The following TENM3 variants were observed in gnomAD, a reference collection of about 807,000 sequenced individuals.
TENM3 encodes the protein teneurin-3.
TENM3 carries 63 observed loss-of-function variants against 255.1 expected under a neutral mutation model. The observed-to-expected ratio is 0.25, with a 90% CI of 0.20 to 0.30. The LOEUF (loss-of-function observed/expected upper bound fraction) is 0.30, where lower values mean the gene tolerates loss of function less well. Among genes scored for constraint, TENM3 ranks in the 10% least tolerant of loss-of-function variants. TENM3 has a pLI of 1.00. For missense variants in TENM3, 2,929 were observed against 3,461.1 expected, an observed-to-expected ratio of 0.85 and a Z score of 3.86; for synonymous variants, 1,306 against 1,322.3, an observed-to-expected ratio of 0.99 and a Z score of 0.27.
At chr4:181,831,387 T>C in the TENM3 span, among the ~76,000 whole-genome samples, 1 of 152,110 alleles carries the variant, frequency 6.6e-6, no homozygotes. Flanking sequence ...CCAGTTTTAT[T>C]TCGGCTACAG....
chr4:182,039,135 G>A, the TENM3 span, among the ~76,000 whole-genome samples: 4 of 152,254 alleles, frequency 2.6e-5, no homozygotes, highest in East Asian at 7.7e-4. Flanking sequence ...TCTGAGGTCC[G>A]GAGCTAAAGT....
At chr4:182,174,363 A>C (rs1469969530) in intron 1 of TENM3, among the ~76,000 whole-genome samples, 1 of 150,762 alleles carries the variant, frequency 6.6e-6, no homozygotes, top group Non-Finnish European at 1.5e-5. Context: ...GGATTCTTGA[A>C]ACACAAATCT....
chr4:182,625,396 G>C (rs1220165300), intron 4 of TENM3, among the ~76,000 whole-genome samples: 1 of 152,154 alleles, frequency 6.6e-6, no homozygotes, highest in Non-Finnish European at 1.5e-5. Context: ...ACGCTGTTGT[G>C]AACTGCGCAT....
chr4:182,100,536 T>TATATACACACACAC, the TENM3 span, among the ~76,000 whole-genome samples: 2 of 121,566 alleles, frequency 1.6e-5, no homozygotes, highest in African/African-American at 7.3e-5. Context: ...TATACACACA[T>TATATACACACACAC]ATATATATAC....
At chr4:181,530,099 G>A in the TENM3 span, among the ~76,000 whole-genome samples, 1 of 152,086 alleles carries the variant, frequency 6.6e-6, no homozygotes, top group African/African-American at 2.4e-5. Context: ...TGCTCCAAAT[G>A]AAAGAGCACT....
At chr4:182,349,476 T>C (rs1765035876) in intron 3 of TENM3, among the ~76,000 whole-genome samples, 2 of 152,292 alleles carry the variant, frequency 1.3e-5, no homozygotes, top group Admixed American at 6.5e-5. Flanking sequence ...TTTTCTGAAG[T>C]ATTTAGCAGA....
chr4:182,486,364 T>C (rs1309996980), intron 3 of TENM3, among the ~76,000 whole-genome samples: 1 of 151,896 alleles, frequency 6.6e-6, no homozygotes, highest in Non-Finnish European at 1.5e-5. Flanking sequence ...TATGAGCTAC[T>C]ATAATAAATA....
At chr4:182,387,893 A>T (rs752435014) in intron 3 of TENM3, among the ~76,000 whole-genome samples, 1 of 150,392 alleles carries the variant, frequency 6.6e-6, no homozygotes, top group Admixed American at 6.6e-5. Context: ...GAACCCACCA[A>T]TTCCGGACAC....
chr4:181,605,361 C>G, the TENM3 span, among the ~76,000 whole-genome samples: 1,235 of 151,280 alleles, frequency 8.2e-3, 10 homozygotes, highest in Non-Finnish European at 0.014. Context: ...AGGAGAATCT[C>G]TTAACCTGGA....
At chr4:182,350,301 A>C (rs1321029068) in intron 3 of TENM3, 1 of 152,262 alleles carries the variant, frequency 6.6e-6, no homozygotes, top group African/African-American at 2.4e-5. Context: ...ACAAGTGATA[A>C]GATTTATTCT....
intron 3 of TENM3, among the ~76,000 whole-genome samples, chr4:182,365,935 G>C (rs1403488246): frequency 6.6e-6 from 1 of 152,110 alleles, no homozygotes; most frequent in African/African-American, 2.4e-5. Context: ...TAACACAATG[G>C]TATTTGTGTA....
intron 1 of TENM3, among the ~76,000 whole-genome samples, chr4:182,247,414 C>T (rs1156887838): frequency 6.6e-6 from 1 of 152,078 alleles, no homozygotes; most frequent in African/African-American, 2.4e-5. Flanking sequence ...GGCCCTCAGA[C>T]CATTGAAAGG....
the TENM3 span, among the ~76,000 whole-genome samples, chr4:182,002,090 T>C: frequency 1.7e-4 from 26 of 152,294 alleles, no homozygotes; most frequent in South Asian, 4.6e-3. Flanking sequence ...AAGTTAATCA[T>C]ATTCTCTTTT....
chr4:182,517,214 A>G (rs1454486969), intron 3 of TENM3, among the ~76,000 whole-genome samples: 3 of 152,098 alleles, frequency 2.0e-5, no homozygotes, highest in Non-Finnish European at 4.4e-5. Context: ...ACATAGTTGG[A>G]GACGCTTATG....
the TENM3 span, among the ~76,000 whole-genome samples, chr4:181,741,288 C>T: frequency 6.6e-6 from 1 of 152,148 alleles, no homozygotes; most frequent in Non-Finnish European, 1.5e-5. Flanking sequence ...GTTCATACCA[C>T]ATTCATTCAT....
At chr4:182,176,825 T>A (rs867327529) in intron 1 of TENM3, among the ~76,000 whole-genome samples, 13,769 of 133,902 alleles carry the variant, frequency 0.1, 1,587 homozygotes, top group African/African-American at 0.28. Context: ...CGGCTAATTT[T>A]TTTTTTTTTT....
the TENM3 span, among the ~76,000 whole-genome samples, chr4:181,979,385 GT>G: frequency 5.3e-5 from 8 of 151,358 alleles, no homozygotes; most frequent in Admixed American, 2.6e-4. Flanking sequence ...ACTTTTATTG[GT>G]TTTTCCCCCA....
chr4:182,337,230 G>C (rs1352751632), intron 2 of TENM3, among the ~76,000 whole-genome samples: 1 of 152,116 alleles, frequency 6.6e-6, no homozygotes, highest in Non-Finnish European at 1.5e-5. Flanking sequence ...ACAAAGTTTT[G>C]CTTATCAGAC....
intron 5 of TENM3, among the ~76,000 whole-genome samples, chr4:182,635,452 C>T (rs914618893): frequency 6.6e-6 from 1 of 152,138 alleles, no homozygotes; most frequent in African/African-American, 2.4e-5. Flanking sequence ...CCAGTCAATA[C>T]CCAATAGTTT....
Sources: allele counts gnomAD v4.1 joint callset (sites outside exome capture counted in the v4.1 genomes callset), GRCh38; gene constraint gnomAD v4.1.1; transcripts MANE v1.5; gene names NCBI Gene and HGNC (gene_info 2026-07-23, HGNC 2026-07-21).